RNF8: variants seen among roughly 807,000 people sequenced by gnomAD.
RNF8 encodes the protein ring finger protein 8.
RNF8 carries 8 observed loss-of-function variants against 59.3 expected under a neutral mutation model. That is an observed-to-expected ratio of 0.13 (90% CI 0.08 to 0.24). The LOEUF is 0.24. Ranked by LOEUF, RNF8 falls within the 10% of genes least tolerant of loss-of-function variation. The pLI, the probability that RNF8 is intolerant of heterozygous loss-of-function variation, is 1.00. For missense variants in RNF8, 406 were observed against 572.6 expected, an observed-to-expected ratio of 0.71 and a Z score of 2.97; for synonymous variants, 162 against 200.0, an observed-to-expected ratio of 0.81 and a Z score of 1.60.
Position 37,390,893 on chromosome 6 carries a change from G to A in RNF8, c.*135G>A. 1 of 1,498,938 alleles carries A rather than the reference G, an allele frequency of 6.7e-7. No homozygotes were observed. 92.9% of individuals were successfully genotyped at this position (1,498,938 alleles called of 1,614,324 possible). A position where few individuals can be genotyped will look rare whatever the true frequency, so the allele number is the denominator to read the frequency against. On this transcript the variant is annotated 3_prime_UTR_variant, in exon 8 of 8. Coordinates refer to ENST00000373479, the MANE Select transcript of RNF8 (RefSeq NM_003958.4). ...TCTTGTGGGACAGAGACTTGAGTTAGGAAGCCCTCAGTCACTTGCCTTCCA... is the reference window on the plus strand; with the variant it reads ...TCTTGTGGGACAGAGACTTGAGTTAAGAAGCCCTCAGTCACTTGCCTTCCA...
At chr6:37,378,187 G>A (rs991802226) in intron 6 of RNF8, among the ~76,000 whole-genome samples, 4 of 152,152 alleles carry the variant, frequency 2.6e-5, no homozygotes, top group Non-Finnish European at 5.9e-5. Flanking sequence ...CCAGCTAGTC[G>A]GAAGGCTGAG....
At chr6:37,355,667 C>G (rs568165422) in intron 1 of RNF8, among the ~76,000 whole-genome samples, 42 of 152,254 alleles carry the variant, frequency 2.8e-4, no homozygotes, top group African/African-American at 9.9e-4. Context: ...TAAAGGGTTA[C>G]TTGTATGCTG....
intron 1 of RNF8, among the ~76,000 whole-genome samples, chr6:37,358,095 T>C (rs1412813667): frequency 6.6e-6 from 1 of 152,162 alleles, no homozygotes; most frequent in Non-Finnish European, 1.5e-5. Context: ...ATAAGGAGCC[T>C]GTGCAAGATC....
At chr6:37,376,778 G>A in intron 5 of RNF8, 148 bp from the exon 6 acceptor site, 1 of 611,332 alleles carries the variant, frequency 1.6e-6, no homozygotes, top group African/African-American at 1.8e-5. Context: ...ATAAGCCTTA[G>A]GGAAAGTGTT....
chr6:37,383,312 C>T (rs567149340), intron 7 of RNF8, among the ~76,000 whole-genome samples: 3 of 152,212 alleles, frequency 2.0e-5, no homozygotes, highest in South Asian at 2.1e-4. Flanking sequence ...AACAGCTTCA[C>T]TGGGTTTAGA....
intron 7 of RNF8, among the ~76,000 whole-genome samples, chr6:37,383,658 G>C (rs144122432): frequency 2.6e-5 from 4 of 152,316 alleles, no homozygotes; most frequent in Non-Finnish European, 5.9e-5. Context: ...AGAGTCTCAT[G>C]ACTGATTAGC....
Position 37,360,098 on chromosome 6 carries a change from G to A in RNF8, c.112-348G>A, listed in dbSNP as rs1477578498. Among the ~76,000 whole-genome samples, 1 of 152,228 alleles carries A rather than the reference G, an allele frequency of 6.6e-6. No individual in the cohort carries two copies. Among genetic ancestry groups the A allele is most frequent in the African/African-American group, 2.4e-5 (1 of 41,468 alleles). On this transcript the variant is annotated intron_variant, in intron 1 of 7. Coordinates refer to ENST00000373479, the MANE Select transcript of RNF8 (RefSeq NM_003958.4). This position sits in a 1 kb window ranked among gnomAD's most constrained non-coding sequence, Gnocchi z 4.2. The stretch of plus-strand genomic sequence containing the variant: ...AGACATTTTAAAAATTGGAGGGCCT[G>A]CCTTATGTAAAGTTACTGACAGTAT...
At chr6:37,373,066 T>C (rs1019921698) in intron 4 of RNF8, among the ~76,000 whole-genome samples, 1 of 152,236 alleles carries the variant, frequency 6.6e-6, no homozygotes, top group East Asian at 1.9e-4. Flanking sequence ...GCTGATACTT[T>C]TGAAAGCTGT....
chr6:37,378,366 C>T (rs1770108647), intron 6 of RNF8, among the ~76,000 whole-genome samples: 1 of 152,004 alleles, frequency 6.6e-6, no homozygotes, highest in Non-Finnish European at 1.5e-5. Context: ...TTTGGGAGGC[C>T]AAGGTGGGCG....
At chr6:37,377,135 C>A in intron 6 of RNF8, 102 bp downstream of exon 6, 1 of 627,302 alleles carries the variant, frequency 1.6e-6, no homozygotes, top group Non-Finnish European at 2.7e-6. Context: ...TGCAGTGCCA[C>A]AATCTCGGCT....
intron 7 of RNF8, 97 bp from the exon 8 acceptor site, chr6:37,390,645 G>A: frequency 1.2e-6 from 1 of 840,112 alleles, no homozygotes. Flanking sequence ...TGGCTGCTGT[G>A]TGAGGAAGAG....
intron 4 of RNF8, among the ~76,000 whole-genome samples, chr6:37,372,150 T>C (rs1769836053): frequency 6.6e-6 from 1 of 152,238 alleles, no homozygotes; most frequent in South Asian, 2.1e-4. Context: ...TATTTTTTTG[T>C]GTGCTCTTTT....
At chr6:37,383,505 A>C (rs746140586) in intron 7 of RNF8, among the ~76,000 whole-genome samples, 1 of 152,250 alleles carries the variant, frequency 6.6e-6, no homozygotes, top group South Asian at 2.1e-4. Context: ...AATTGCTCTT[A>C]TAAATTCAGA....
intron 5 of RNF8, among the ~76,000 whole-genome samples, chr6:37,376,461 T>C (rs1442585771): frequency 6.6e-6 from 1 of 152,194 alleles, no homozygotes. Flanking sequence ...GATGCTGGCA[T>C]GTTTGGTGTC....
At chr6:37,382,034 G>A (rs1468065192) in intron 7 of RNF8, among the ~76,000 whole-genome samples, 2 of 152,164 alleles carry the variant, frequency 1.3e-5, no homozygotes, top group Admixed American at 6.5e-5. Context: ...ACTTCCAAGA[G>A]CTACTTGATC....
rs1472875709 is a variant in RNF8 at position 37,369,031 on chromosome 6, T to C, written c.788T>C (p.Met263Thr). 6.8e-6 allele frequency: 11 copies of C among 1,614,000 alleles called. No individual in the cohort carries two copies. Among genetic ancestry groups the C allele is most frequent in the African/African-American group, 4.0e-5 (3 of 74,868 alleles). Residue 263 changes from methionine (M) to threonine (T), a missense_variant, in exon 3 of 8, where the codon ATG (methionine) becomes ACG (threonine). This residue lies in a region of RNF8 where 285 missense variants were observed against 342.0 expected (regional missense o/e 0.83). Coordinates refer to ENST00000373479, the MANE Select transcript of RNF8 (RefSeq NM_003958.4). ...AGGATTCTGAGGCTCAAAATACAGA[T>C]GCAGGAAAAACATGAAGCCGTTATG... ...MSRILRLKIQ[M>T]QEKHEAVMNV...
chr6:37,361,573 A>G (rs571949281), intron 2 of RNF8: 28 of 340,838 alleles, frequency 8.2e-5, no homozygotes, highest in Non-Finnish European at 1.4e-4. Flanking sequence ...GAGAAATTCT[A>G]ACATAAACAG....
intron 7 of RNF8, among the ~76,000 whole-genome samples, chr6:37,386,212 T>C (rs1388655668): frequency 1.3e-5 from 2 of 152,186 alleles, no homozygotes; most frequent in East Asian, 3.8e-4. Flanking sequence ...ATAGGAACTA[T>C]TCACCTAGTG....
chr6:37,354,200 C>T lies in RNF8; in HGVS notation c.36C>T (p.Arg12=). ...CCGGCTTCTTCGTCACAGGAGACCG[C>T]GCCGGTGGCCGGAGCTGGTGCCTGC... is the stretch of plus-strand genomic sequence containing the variant. ...GEPGFFVTGD[R]AGGRSWCLRR... Residue 12 remains arginine (R), a synonymous_variant, in exon 1 of 8, where the codon CGC becomes CGT. Transcript: ENST00000373479. 6.3e-7 allele frequency: 1 copy of T among 1,586,346 alleles called. No homozygotes were observed. The highest frequency in any genetic ancestry group is 1.2e-5 in the South Asian group (1 of 86,902).
Sources: gnomAD v4.1 joint callset for allele counts (sites outside exome capture counted in the v4.1 genomes callset) on GRCh38, gnomAD v4.1.1 for gene constraint, gnomAD v4.1.1 regional missense constraint, Gnocchi (gnomAD v3.1) non-coding constraint, MANE v1.5 for transcripts, NCBI Gene and HGNC (gene_info 2026-07-23, HGNC 2026-07-21) for gene names.